ART3: variants seen among roughly 807,000 people sequenced by gnomAD.
ART3 encodes the protein ecto-ADP-ribosyltransferase 3.
ART3 carries 49 observed loss-of-function variants against 48.5 expected under a neutral mutation model. The ratio of observed to expected loss-of-function variants is 1.01; its 90% CI spans 0.80 to 1.28. ART3 has a LOEUF of 1.28. ART3 is among the 50% of genes most tolerant of loss of function. ART3 has a pLI of 0.00. For synonymous variants in ART3, 145 were observed against 157.2 expected, an observed-to-expected ratio of 0.92 and a Z score of 0.58; for missense variants, 438 against 454.3, an observed-to-expected ratio of 0.96 and a Z score of 0.33.
At chr4:76,095,209 T>C (rs1173011669) in intron 3 of ART3, among the ~76,000 whole-genome samples, 1 of 152,216 alleles carries the variant, frequency 6.6e-6, no homozygotes, top group Non-Finnish European at 1.5e-5. Context: ...AAAATGACTC[T>C]GTGTTAAACA....
At chr4:76,110,396 T>C (rs1276240521) in intron 11 of ART3, among the ~76,000 whole-genome samples, 3 of 152,340 alleles carry the variant, frequency 2.0e-5, no homozygotes, top group East Asian at 3.9e-4. Flanking sequence ...CTATTTTATA[T>C]AAGGGACTTG....
At chr4:76,052,869 C>T (rs558202688) in intron 1 of ART3, among the ~76,000 whole-genome samples, 2 of 152,204 alleles carry the variant, frequency 1.3e-5, no homozygotes, top group African/African-American at 4.8e-5. Flanking sequence ...GCTAGGATTA[C>T]AGGCCTGTGC....
intron 3 of ART3, among the ~76,000 whole-genome samples, chr4:76,092,197 G>A (rs576903735): frequency 1.2e-4 from 18 of 152,234 alleles, no homozygotes; most frequent in Non-Finnish European, 2.6e-4. Flanking sequence ...ATCAATATGA[G>A]AAGAGTTTTA....
chr4:76,107,414 A>G (rs1666690109), intron 10 of ART3: 1 of 162,246 alleles, frequency 6.2e-6, no homozygotes, highest in Admixed American at 6.4e-5. Flanking sequence ...TAAAGGTGAC[A>G]GTGTACATAA....
At chr4:76,055,462 A>G (rs984639031) in intron 1 of ART3, among the ~76,000 whole-genome samples, 9 of 152,184 alleles carry the variant, frequency 5.9e-5, no homozygotes, top group Non-Finnish European at 1.0e-4. Context: ...GAGTTTATAT[A>G]ACTCCCCCAA....
intron 3 of ART3, 99 bp downstream of exon 3, chr4:76,082,634 G>A: frequency 1.1e-6 from 1 of 945,390 alleles, no homozygotes; most frequent in Admixed American, 2.6e-5. Flanking sequence ...GTGTTTGAAA[G>A]GTGAAATGAC....
intron 1 of ART3, chr4:76,041,061 A>C (rs1298153111): frequency 1.3e-5 from 2 of 152,244 alleles, no homozygotes. Flanking sequence ...GATGTCTGTC[A>C]CATGTCTGGC....
chr4:76,070,809 A>G (rs1720235384), upstream of ART3, among the ~76,000 whole-genome samples: 1 of 152,182 alleles, frequency 6.6e-6, no homozygotes, highest in Non-Finnish European at 1.5e-5. Context: ...CAAGTAGAAA[A>G]GAATTTTTAT....
intron 9 of ART3, 85 bp from the exon 10 acceptor site, chr4:76,104,512 A>C: frequency 6.5e-7 from 1 of 1,546,246 alleles, no homozygotes; most frequent in Non-Finnish European, 8.7e-7. Flanking sequence ...GGGTGCTTGC[A>C]TCTCTTAAGC....
chr4:76,022,905 T>C (rs1204799270), intron 1 of ART3: 12 of 1,330,432 alleles, frequency 9.0e-6, no homozygotes, highest in Non-Finnish European at 1.2e-5. Context: ...GCAGAACCTA[T>C]ATCCCCATAT....
chr4:76,104,722 T>C (rs1197636694), intron 10 of ART3, 93 bp downstream of exon 10: 1 of 1,427,598 alleles, frequency 7.0e-7, no homozygotes, highest in East Asian at 2.5e-5. Context: ...TGCCTCATAA[T>C]TGTCATCTAT....
chr4:76,016,786 G>A (rs1732307981), intron 1 of ART3, among the ~76,000 whole-genome samples: 1 of 152,148 alleles, frequency 6.6e-6, no homozygotes, highest in South Asian at 2.1e-4. Context: ...CTCAATCTAT[G>A]AGACAAAGTC....
intron 1 of ART3, chr4:76,035,307 T>G: frequency 6.2e-7 from 1 of 1,614,074 alleles, no homozygotes; most frequent in Non-Finnish European, 8.5e-7. Context: ...CCAGGGCCTA[T>G]GCAAAGACAG....
At chr4:76,072,325 T>C (rs530545418), upstream of ART3, among the ~76,000 whole-genome samples, 72 of 152,348 alleles carry the variant, frequency 4.7e-4, no homozygotes, top group African/African-American at 1.6e-3. Flanking sequence ...CAGGAAATAC[T>C]GTGTCTAATC....
intron 1 of ART3, among the ~76,000 whole-genome samples, chr4:76,060,202 C>G (rs1719076231): frequency 6.6e-6 from 1 of 152,136 alleles, no homozygotes; most frequent in South Asian, 2.1e-4. Flanking sequence ...CTACTGATGT[C>G]AGATGTTTTT....
At chr4:76,055,759 A>T (rs138274234) in intron 1 of ART3, among the ~76,000 whole-genome samples, 1 of 152,210 alleles carries the variant, frequency 6.6e-6, no homozygotes, top group African/African-American at 2.4e-5. Flanking sequence ...ATTTCATTGA[A>T]TAACAGGAGA....
chr4:76,099,165 G>A (rs58078426), intron 5 of ART3, 178 bp downstream of exon 5: 1 of 591,468 alleles, frequency 1.7e-6, no homozygotes, highest in African/African-American at 1.8e-5. Context: ...AGCCAGGCAT[G>A]GTGGTGTGCA....
intron 1 of ART3, among the ~76,000 whole-genome samples, chr4:76,044,019 T>G (rs1170112512): frequency 6.6e-6 from 1 of 151,890 alleles, no homozygotes; most frequent in African/African-American, 2.4e-5. Context: ...CCAGGGGTCC[T>G]TGGTAGAAGT....
intron 11 of ART3, among the ~76,000 whole-genome samples, chr4:76,110,678 C>T (rs1237032752): frequency 6.6e-6 from 1 of 152,128 alleles, no homozygotes; most frequent in African/African-American, 2.4e-5. Context: ...CCTAGCGTAG[C>T]AGATCTTGAT....
Sources: allele counts gnomAD v4.1 joint callset (sites outside exome capture counted in the v4.1 genomes callset), GRCh38; gene constraint gnomAD v4.1.1; transcripts MANE v1.5; gene names NCBI Gene and HGNC (gene_info 2026-07-23, HGNC 2026-07-21).